The following SDCCAG8 variants were observed in gnomAD, a reference collection of about 807,000 sequenced individuals.
SDCCAG8 encodes the protein serologically defined colon cancer antigen 8.
Under a neutral mutation model 101.8 loss-of-function variants are expected in SDCCAG8, and 74 were observed. The ratio of observed to expected loss-of-function variants is 0.73; its 90% CI spans 0.60 to 0.88. The LOEUF (loss-of-function observed/expected upper bound fraction) is 0.88. Among genes scored for constraint, SDCCAG8 ranks in the 40% least tolerant of loss-of-function variants. SDCCAG8 has a pLI of 0.00. For missense variants in SDCCAG8, 787 were observed against 822.6 expected (o/e 0.96, Z 0.53); for synonymous variants, 281 against 292.9 (o/e 0.96, Z 0.41).
intron 13 of SDCCAG8, among the ~76,000 whole-genome samples, chr1:243,380,591 A>G (rs2077880115): frequency 6.6e-6 from 1 of 152,202 alleles, no homozygotes; most frequent in Admixed American, 6.5e-5. Context: ...CAAGTAGAGC[A>G]TATTAAGATG....
intron 4 of SDCCAG8, among the ~76,000 whole-genome samples, chr1:243,275,248 G>A (rs2068439238): frequency 6.6e-6 from 1 of 151,836 alleles, no homozygotes; most frequent in African/African-American, 2.4e-5. Flanking sequence ...TCTTCCCGAA[G>A]TATGTCGTGT....
At chr1:243,290,034 GA>G (rs1272826152) in intron 5 of SDCCAG8, among the ~76,000 whole-genome samples, 1 of 151,894 alleles carries the variant, frequency 6.6e-6, no homozygotes, top group Non-Finnish European at 1.5e-5. Context: ...TTTCCTCATG[GA>G]AAGCTTTTCT....
chr1:243,265,705 C>T (rs964154718), intron 1 of SDCCAG8, among the ~76,000 whole-genome samples: 2 of 151,690 alleles, frequency 1.3e-5, no homozygotes, highest in Non-Finnish European at 1.5e-5. Flanking sequence ...CCCAGCTACT[C>T]GGGAGGCTGA....
intron 4 of SDCCAG8, among the ~76,000 whole-genome samples, chr1:243,285,670 T>C (rs2069541330): frequency 6.6e-6 from 1 of 152,210 alleles, no homozygotes; most frequent in Non-Finnish European, 1.5e-5. Flanking sequence ...ATTCTAATGA[T>C]TGTTGACCTG....
intron 12 of SDCCAG8, among the ~76,000 whole-genome samples, chr1:243,345,771 TTG>T (rs2075666626): frequency 6.6e-6 from 1 of 152,138 alleles, no homozygotes; most frequent in Admixed American, 6.6e-5. Context: ...AAGGAATAAC[TTG>T]TTTAGAAGCA....
At chr1:243,293,860 C>G (rs972435536) in intron 6 of SDCCAG8, among the ~76,000 whole-genome samples, 1 of 152,160 alleles carries the variant, frequency 6.6e-6, no homozygotes, top group Non-Finnish European at 1.5e-5. Context: ...GCTCCTCAGA[C>G]TTGATCATTT....
chr1:243,261,892 A>C (rs2067220646), intron 1 of SDCCAG8, among the ~76,000 whole-genome samples: 1 of 149,278 alleles, frequency 6.7e-6, no homozygotes, highest in African/African-American at 2.5e-5. Context: ...GCTCACTGCA[A>C]CTTCCACCTC....
At chr1:243,417,922 C>T (rs1453564254) in intron 14 of SDCCAG8, 46 bp from the exon 15 acceptor site, 1 of 1,399,920 alleles carries the variant, frequency 7.1e-7, no homozygotes, top group South Asian at 1.2e-5. Flanking sequence ...TGCAGAGCGA[C>T]AACCATAAAC....
In SDCCAG8 at chr1:243,274,556, A is replaced by G. The variant is rs2068370062; in HGVS notation, c.320A>G (p.His107Arg). ...TTTTTGTCATAGAGGTCATTAGAAC[A>G]TGAGGAAACCAATATGCCTACTATG... ...RKMSPLRSLE[H>R]EETNMPTMHD... Residue 107 changes from histidine to arginine, a missense_variant, in exon 4 of 18, where the codon CAT (histidine) becomes CGT (arginine). By Grantham distance (29) the His-to-Arg change is conservative. Coordinates refer to ENST00000366541, the MANE Select transcript of SDCCAG8 (RefSeq NM_006642.5). The G allele has an allele frequency of 1.3e-6, 2 of 1,588,676 alleles. No individual in the cohort carries two copies. Among genetic ancestry groups the G allele is most frequent in the Non-Finnish European group, 1.7e-6 (2 of 1,158,168 alleles).
intron 16 of SDCCAG8, among the ~76,000 whole-genome samples, chr1:243,462,862 A>G (rs998437583): frequency 2.0e-5 from 3 of 151,076 alleles, no homozygotes; most frequent in African/African-American, 4.9e-5. Context: ...ACAAAACAAA[A>G]CAAAACAAAA....
chr1:243,421,367 G>A (rs768796928), intron 15 of SDCCAG8, among the ~76,000 whole-genome samples: 2 of 152,210 alleles, frequency 1.3e-5, no homozygotes, highest in Non-Finnish European at 2.9e-5. Context: ...CGGCGTGCAC[G>A]TACGCCCTTA....
intron 16 of SDCCAG8, among the ~76,000 whole-genome samples, chr1:243,436,365 G>C (rs181007605): frequency 6.6e-6 from 1 of 151,852 alleles, no homozygotes; most frequent in Admixed American, 6.6e-5. Context: ...TTATAGTTTC[G>C]TGTTTTACAG....
intron 15 of SDCCAG8, among the ~76,000 whole-genome samples, chr1:243,422,391 G>A (rs1448450529): frequency 6.6e-6 from 1 of 152,088 alleles, no homozygotes; most frequent in Non-Finnish European, 1.5e-5. Context: ...CAATGATCCC[G>A]GTTTTAATCA....
At chr1:243,272,019 A>G (rs986255080) in intron 3 of SDCCAG8, among the ~76,000 whole-genome samples, 1 of 152,182 alleles carries the variant, frequency 6.6e-6, no homozygotes, top group Admixed American at 6.5e-5. Context: ...GATAGATGTG[A>G]GTGAAAGCAC....
At chr1:243,334,883 T>A (rs1369205317) in intron 10 of SDCCAG8, among the ~76,000 whole-genome samples, 1 of 152,172 alleles carries the variant, frequency 6.6e-6, no homozygotes, top group East Asian at 1.9e-4. Flanking sequence ...CCACTGCGCG[T>A]GGCCCAGAAC....
rs552275430 is a variant in SDCCAG8 at position 243,406,540 on chromosome 1, C to A, written c.1617-9162C>A. Among the ~76,000 whole-genome samples the A allele has an allele frequency of 7.8e-4, 119 of 152,290 alleles. 1 individual carries two copies. In the South Asian group the frequency reaches 0.019, roughly 24 times the overall value. ...TTCCCTGATTCTAATGTTGTCCCTT[C>A]CCCATCTGTTCCCCACACTGCAGCC... On this transcript the variant is annotated intron_variant, in intron 13 of 17. Transcript: ENST00000366541.
chr1:243,483,364 GA>G (rs1415243747), intron 16 of SDCCAG8, among the ~76,000 whole-genome samples: 1 of 152,164 alleles, frequency 6.6e-6, no homozygotes, highest in Non-Finnish European at 1.5e-5. Flanking sequence ...CTACGTGGGG[GA>G]TCCTGGAGGC....
At chr1:243,317,317 G>A (rs1049021454) in intron 9 of SDCCAG8, among the ~76,000 whole-genome samples, 17 of 145,728 alleles carry the variant, frequency 1.2e-4, no homozygotes, top group South Asian at 2.3e-4. Context: ...ATATTTAGTA[G>A]CATTTTTTTT....
intron 5 of SDCCAG8, among the ~76,000 whole-genome samples, chr1:243,289,794 C>T (rs979635647): frequency 2.6e-4 from 40 of 152,198 alleles, no homozygotes; most frequent in African/African-American, 9.1e-4. Flanking sequence ...AAGAGCTTGT[C>T]GACATTGAAC....
Sources: gnomAD v4.1 joint callset for allele counts (sites outside exome capture counted in the v4.1 genomes callset) on GRCh38, gnomAD v4.1.1 for gene constraint, MANE v1.5 for transcripts, NCBI Gene and HGNC (gene_info 2026-07-23, HGNC 2026-07-21) for gene names.